SCN9A: variants seen among roughly 807,000 people sequenced by gnomAD.
SCN9A encodes the protein sodium voltage-gated channel alpha subunit 9.
In SCN9A, 131 loss-of-function variants were observed where a neutral mutation model predicts 187.0. The ratio of observed to expected loss-of-function variants is 0.70; its 90% CI spans 0.61 to 0.81. The LOEUF (loss-of-function observed/expected upper bound fraction) is 0.81. Ranked by LOEUF, SCN9A falls within the 30% of genes least tolerant of loss-of-function variation. The pLI, the probability that SCN9A is intolerant of heterozygous loss-of-function variation, is 0.00. For missense variants in SCN9A, 2,252 were observed against 2,396.6 expected (o/e 0.94, Z 1.26); for synonymous variants, 809 against 808.6 (o/e 1.00, Z -0.01).
Position 166,233,333 on chromosome 2 carries a change from T to A in SCN9A, c.3924+7A>T, listed in dbSNP as rs559126685. On this transcript the variant is annotated splice_region_variant and intron_variant, in intron 21 of 26. Coordinates refer to ENST00000642356, the MANE Select transcript of SCN9A (RefSeq NM_001365536.1). The stretch of plus-strand genomic sequence containing the variant: ...TAAGAACATTATAAAGTTTAGTATT[T>A]TCTTACCCTCATTCCTTCAAATCTA... The A allele has an allele frequency of 6.6e-7, 1 of 1,520,192 alleles. No homozygotes were observed. Among genetic ancestry groups the A allele is most frequent in the East Asian group, 2.4e-5 (1 of 41,284 alleles). 94.2% of individuals were successfully genotyped at this position (1,520,192 alleles called of 1,614,324 possible).
At chr2:166,300,356 C>T (rs1163254208) in intron 7 of SCN9A, among the ~76,000 whole-genome samples, 2 of 150,776 alleles carry the variant, frequency 1.3e-5, no homozygotes, top group Non-Finnish European at 2.9e-5. Flanking sequence ...GCAGCACCCC[C>T]CACACATAGA....
intron 19 of SCN9A, among the ~76,000 whole-genome samples, chr2:166,239,249 T>A (rs1028179077): frequency 6.8e-6 from 1 of 146,860 alleles, no homozygotes; most frequent in Non-Finnish European, 1.5e-5. Flanking sequence ...AAAAGGCTCA[T>A]TGAGACACTG....
Position 166,270,762 on chromosome 2 carries a change from G to GATATATATATAT in SCN9A, c.3351+1625_3351+1636dup, listed in dbSNP as rs60551465. Among the ~76,000 whole-genome samples the GATATATATATAT allele has an allele frequency of 6.4e-4, 92 of 143,722 alleles. 1 individual carries two copies. Among genetic ancestry groups the GATATATATATAT allele is most frequent in the African/African-American group, 1.3e-3 (52 of 39,190 alleles). 94.3% of individuals were successfully genotyped at this position (143,722 alleles called of 152,430 possible). A position where few individuals can be genotyped will look rare whatever the true frequency, so the allele number is the denominator to read the frequency against. On this transcript the variant is annotated intron_variant, in intron 17 of 26. Coordinates refer to ENST00000642356, the MANE Select transcript of SCN9A (RefSeq NM_001365536.1). ...GCCTCAGCCTCCTGAGCATTTTACT[G>GATATATATATAT]ATATATATATATATATATATCAGTC...
At chr2:166,208,201 T>C (rs1456856804) in intron 24 of SCN9A, among the ~76,000 whole-genome samples, 1 of 152,188 alleles carries the variant, frequency 6.6e-6, no homozygotes, top group African/African-American at 2.4e-5. Context: ...ACAATCTACA[T>C]TGAGGCTGTA....
rs186462825 is a variant in SCN9A, at chr2:166,223,826, C to A, written c.4398+2741G>T. 2.4e-3 allele frequency among the ~76,000 whole-genome samples: 370 copies of A among 152,234 alleles called. 3 individuals are homozygous for A. The highest frequency in any genetic ancestry group is 8.5e-3 in the African/African-American group (353 of 41,540). ...TGGAATAAATGAGTTCATCACAAAG[C>A]ATCTACTACGTACTTCTACATAGCA... On this transcript the variant is annotated intron_variant, in intron 24 of 26. Transcript: ENST00000642356.
At chr2:166,211,052 ACT>A (rs1240037305) in intron 24 of SCN9A, among the ~76,000 whole-genome samples, 3 of 115,166 alleles carry the variant, frequency 2.6e-5, no homozygotes, top group African/African-American at 1.1e-4. Flanking sequence ...ACACGGTGAA[ACT>A]CTATCTCGGA....
chr2:166,321,811 T>G (rs1699250972), intron 1 of SCN9A, among the ~76,000 whole-genome samples: 2 of 88,732 alleles, frequency 2.3e-5, no homozygotes, highest in Admixed American at 2.1e-4. Context: ...TTTTTTTTTT[T>G]TGGTAACTCT....
Position 166,201,120 on chromosome 2 carries a change from A to G in SCN9A, c.4775-1256T>C, listed in dbSNP as rs116788790. Among the ~76,000 whole-genome samples the G allele has an allele frequency of 5.5e-3, 830 of 151,406 alleles. 3 individuals are homozygous for G. Among genetic ancestry groups the G allele is most frequent in the Non-Finnish European group, 9.7e-3 (659 of 67,830 alleles). ...ATAGCTATGTTCTCCTAATTGCATG[A>G]GTACTTTTTAATAATATGTTAATAG... On this transcript the variant is annotated intron_variant, in intron 26 of 26. Transcript: ENST00000642356.
chr2:166,200,902 C>T (rs1041784073), intron 26 of SCN9A, among the ~76,000 whole-genome samples: 10 of 152,290 alleles, frequency 6.6e-5, no homozygotes, highest in African/African-American at 2.4e-4. Context: ...TCCCAATGTG[C>T]TGGGATTATA....
At chr2:166,361,794 G>A (rs557048933) in intron 1 of SCN9A, among the ~76,000 whole-genome samples, 1 of 152,080 alleles carries the variant, frequency 6.6e-6, no homozygotes, top group East Asian at 1.9e-4. Context: ...CAAGATACAA[G>A]GAACATTGTT....
At position 166,311,749 on chromosome 2, in the gene SCN9A, A is replaced by T. The variant is rs774249327; in HGVS notation, c.8T>A (p.Met3Lys). MA[M>K]LPPPGPQSFV... ...GCTCTGAGGTCCTGGGGGAGGCAAC[A>T]TTGCCATCTTTTCATCCTGTATATT... The change falls in exon 2 of 27, where the codon ATG (methionine) becomes AAG (lysine). Residue 3 changes from methionine to lysine, a missense_variant. Physicochemically the swap from Met to Lys is moderately conservative, Grantham distance 95 (BLOSUM62 -1). Transcript: ENST00000642356. 2.5e-6 allele frequency: 4 copies of T among 1,601,242 alleles called. No homozygotes were observed. The African/African-American group carries it at 5.4e-5, about 21-fold the overall frequency.
At chr2:166,340,573 TC>T (rs1251395776) in intron 1 of SCN9A, among the ~76,000 whole-genome samples, 828 of 74,722 alleles carry the variant, frequency 0.011, 27 homozygotes, top group African/African-American at 0.069. Flanking sequence ...TTTCTTTCTT[TC>T]TTTCTTTCTT....
chr2:166,365,795 A>C (rs946604209), intron 1 of SCN9A, among the ~76,000 whole-genome samples: 1 of 152,150 alleles, frequency 6.6e-6, no homozygotes, highest in African/African-American at 2.4e-5. Context: ...TTTTCACAGC[A>C]TATCTTATGG....
At chr2:166,323,459 G>A (rs1699291468) in intron 1 of SCN9A, among the ~76,000 whole-genome samples, 1 of 152,176 alleles carries the variant, frequency 6.6e-6, no homozygotes, top group Admixed American at 6.6e-5. Flanking sequence ...TCTATAGGAT[G>A]AGGTGGGAAG....
At chr2:166,372,097 T>TGTGTGTGA (rs1406982493) in intron 1 of SCN9A, among the ~76,000 whole-genome samples, 1 of 151,664 alleles carries the variant, frequency 6.6e-6, no homozygotes, top group Non-Finnish European at 1.5e-5. Flanking sequence ...TGTGTGTGTG[T>TGTGTGTGA]GTGTGAGTGT....
At chr2:166,299,811 G>A (rs536501511) in intron 7 of SCN9A, among the ~76,000 whole-genome samples, 13 of 150,506 alleles carry the variant, frequency 8.6e-5, no homozygotes, top group Non-Finnish European at 1.6e-4. Flanking sequence ...CATCTCAAAG[G>A]CATCTCATTT....
At chr2:166,374,876 C>T (rs1298396329) in intron 1 of SCN9A, among the ~76,000 whole-genome samples, 1 of 151,688 alleles carries the variant, frequency 6.6e-6, no homozygotes, top group African/African-American at 2.4e-5. Flanking sequence ...ATGTAAATTG[C>T]TCTTAACATC....
intron 1 of SCN9A, among the ~76,000 whole-genome samples, chr2:166,338,299 G>A (rs1440971894): frequency 1.3e-5 from 2 of 151,950 alleles, no homozygotes; most frequent in East Asian, 3.9e-4. Context: ...GCATTAAGGG[G>A]GTTCCAAAGA....
chr2:166,346,766 G>A (rs1217701527), intron 1 of SCN9A, among the ~76,000 whole-genome samples: 1 of 152,052 alleles, frequency 6.6e-6, no homozygotes, highest in African/African-American at 2.4e-5. Flanking sequence ...GGTTCAGGTG[G>A]GAATCAAGCT....
Sources: gnomAD v4.1 joint callset for allele counts (sites outside exome capture counted in the v4.1 genomes callset) on GRCh38, gnomAD v4.1.1 for gene constraint, MANE v1.5 for transcripts, NCBI Gene and HGNC (gene_info 2026-07-23, HGNC 2026-07-21) for gene names.